The following TNFAIP8 variants were observed in gnomAD, a reference collection of about 807,000 sequenced individuals.
The protein encoded by TNFAIP8 is TNF alpha induced protein 8.
Under a neutral mutation model 13.3 loss-of-function variants are expected in TNFAIP8, and 7 were observed. The ratio of observed to expected loss-of-function variants is 0.52; its 90% confidence interval spans 0.30 to 0.99. TNFAIP8 has a LOEUF of 0.99. Among genes scored for constraint, TNFAIP8 ranks in the 50% least tolerant of loss-of-function variants. TNFAIP8 has a pLI of 0.07. For missense variants in TNFAIP8, 258 were observed against 236.9 expected, an observed-to-expected ratio of 1.09 and a Z score of -0.58; for synonymous variants, 94 against 87.6, an observed-to-expected ratio of 1.07 and a Z score of -0.41.
intron 1 of TNFAIP8, among the ~76,000 whole-genome samples, chr5:119,339,909 G>A (rs1317443821): frequency 3.3e-5 from 5 of 152,182 alleles, no homozygotes; most frequent in Non-Finnish European, 5.9e-5. Flanking sequence ...GGAAATAAAT[G>A]GGCTGTGGAT....
intron 1 of TNFAIP8, among the ~76,000 whole-genome samples, chr5:119,312,443 A>G (rs1230645522): frequency 6.6e-6 from 1 of 152,230 alleles, no homozygotes; most frequent in Non-Finnish European, 1.5e-5. Context: ...TTTACATAGA[A>G]CATGTCTTAC....
chr5:119,371,402 C>T (rs888607614), intron 1 of TNFAIP8, among the ~76,000 whole-genome samples: 3 of 151,888 alleles, frequency 2.0e-5, no homozygotes, highest in Non-Finnish European at 4.4e-5. Context: ...CAAAAAAAAA[C>T]ATTAAAGATG....
chr5:119,306,400 A>T (rs147924624), intron 1 of TNFAIP8: 1 of 148,374 alleles, frequency 6.7e-6, no homozygotes, highest in East Asian at 2.0e-4. Context: ...CATAGGCGCA[A>T]TCCCACTACT....
chr5:119,343,855 C>G (rs954840813), intron 1 of TNFAIP8, among the ~76,000 whole-genome samples: 1 of 152,126 alleles, frequency 6.6e-6, no homozygotes. Flanking sequence ...GCAGCTGCCC[C>G]CGCTGTGTGA....
intron 1 of TNFAIP8, among the ~76,000 whole-genome samples, chr5:119,367,485 T>C (rs2112804106): frequency 6.6e-6 from 1 of 152,300 alleles, no homozygotes; most frequent in Non-Finnish European, 1.5e-5. Flanking sequence ...ATATTGTCTG[T>C]TGTTTCCTTT....
upstream of TNFAIP8, among the ~76,000 whole-genome samples, chr5:119,353,696 C>T (rs538685094): frequency 6.7e-6 from 1 of 148,768 alleles, no homozygotes; most frequent in Non-Finnish European, 1.5e-5. Flanking sequence ...AGTTGTAAAA[C>T]AAGTAGCACA....
intron 1 of TNFAIP8, among the ~76,000 whole-genome samples, chr5:119,342,940 T>C (rs1170054013): frequency 6.6e-6 from 1 of 152,198 alleles, no homozygotes; most frequent in Non-Finnish European, 1.5e-5. Flanking sequence ...TTAGTCTAAA[T>C]ATTCAGGTGG....
chr5:119,316,578 T>C (rs996316584), intron 1 of TNFAIP8, among the ~76,000 whole-genome samples: 3 of 152,154 alleles, frequency 2.0e-5, no homozygotes, highest in Admixed American at 6.5e-5. Flanking sequence ...AATGACTTAC[T>C]TGATGGTATT....
In TNFAIP8 at chr5:119,388,259, G is replaced by T. The variant is rs1228285586; in HGVS notation, c.32-4557G>T. ...TGACAGTAAGAGAAATCATACTCTG[G>T]AGCGCACTTAGAGGGAAGAAAAACC... On this transcript the variant is annotated intron_variant, in intron 1 of 1. Transcript: ENST00000504771. Among the ~76,000 whole-genome samples, 3 of 152,162 alleles carry T rather than the reference G, an allele frequency of 2.0e-5. No homozygotes were observed. The East Asian group carries it at 5.8e-4, about 29-fold the overall frequency.
chr5:119,359,998 C>G (rs1276979551), intron 1 of TNFAIP8, among the ~76,000 whole-genome samples: 1 of 152,256 alleles, frequency 6.6e-6, no homozygotes, highest in Non-Finnish European at 1.5e-5. Flanking sequence ...ACTCTCTCCT[C>G]TACAGTGGAC....
chr5:119,365,766 A>G (rs534937481), intron 1 of TNFAIP8, among the ~76,000 whole-genome samples: 2 of 152,362 alleles, frequency 1.3e-5, no homozygotes, highest in African/African-American at 4.8e-5. Flanking sequence ...AATATCTAGA[A>G]TGAAAATGCA....
intron 1 of TNFAIP8, among the ~76,000 whole-genome samples, chr5:119,330,256 G>A (rs753533034): frequency 1.4e-4 from 21 of 152,198 alleles, no homozygotes; most frequent in Admixed American, 2.6e-4. Context: ...AACGTCCTGG[G>A]AATGCCAAAG....
At chr5:119,345,269 T>C (rs1750860560) in intron 1 of TNFAIP8, among the ~76,000 whole-genome samples, 1 of 152,210 alleles carries the variant, frequency 6.6e-6, no homozygotes, top group Non-Finnish European at 1.5e-5. Flanking sequence ...TACACAGTAA[T>C]TTAAAGGAAA....
At chr5:119,268,965 C>A in intron 1 of TNFAIP8, 1 of 670,416 alleles carries the variant, frequency 1.5e-6, no homozygotes, top group Non-Finnish European at 2.7e-6. Context: ...TCTCCCGCCG[C>A]TGGGCTGCGG....
intron 1 of TNFAIP8, among the ~76,000 whole-genome samples, chr5:119,297,936 T>C (rs1480090510): frequency 1.3e-5 from 2 of 152,136 alleles, no homozygotes; most frequent in African/African-American, 4.8e-5. Flanking sequence ...AACCCCTGCC[T>C]TTTTTTGTTT....
At chr5:119,269,884 A>G (rs1748226554) in intron 1 of TNFAIP8, among the ~76,000 whole-genome samples, 1 of 152,240 alleles carries the variant, frequency 6.6e-6, no homozygotes, top group African/African-American at 2.4e-5. Context: ...GTATCATAAC[A>G]GCAGTATTGT....
At chr5:119,345,038 A>G (rs915795155) in intron 1 of TNFAIP8, among the ~76,000 whole-genome samples, 3 of 152,114 alleles carry the variant, frequency 2.0e-5, no homozygotes, top group Non-Finnish European at 4.4e-5. Flanking sequence ...TTTTCATGCC[A>G]TTTCTAGGAC....
chr5:119,306,547 A>C (rs1471561643), intron 1 of TNFAIP8: 2 of 152,052 alleles, frequency 1.3e-5, no homozygotes, highest in Non-Finnish European at 1.5e-5. Flanking sequence ...ATCGTCATAC[A>C]GCCCAGAACT....
chr5:119,386,026 A>G (rs1752655560), intron 1 of TNFAIP8, among the ~76,000 whole-genome samples: 1 of 152,212 alleles, frequency 6.6e-6, no homozygotes, highest in Non-Finnish European at 1.5e-5. Flanking sequence ...CATTAGCTAC[A>G]GAGTATTTGG....
Sources: allele counts gnomAD v4.1 joint callset (sites outside exome capture counted in the v4.1 genomes callset), GRCh38; gene constraint gnomAD v4.1.1; transcripts MANE v1.5; gene names NCBI Gene and HGNC (gene_info 2026-07-23, HGNC 2026-07-21).